The following NUP205 variants were observed in gnomAD, a reference collection of about 807,000 sequenced individuals.
The protein encoded by NUP205 is nucleoporin 205.
Under a neutral mutation model 253.8 loss-of-function variants are expected in NUP205, and 76 were observed. The observed-to-expected ratio is 0.30, with a 90% CI of 0.25 to 0.36. The LOEUF (loss-of-function observed/expected upper bound fraction) is 0.36, where lower values mean the gene tolerates loss of function less well. NUP205 is among the 10% of genes least tolerant of loss of function. The pLI is 1.00. For synonymous variants in NUP205, 832 were observed against 850.1 expected, an observed-to-expected ratio of 0.98 and a Z score of 0.37; for missense variants, 2,162 against 2,425.5, an observed-to-expected ratio of 0.89 and a Z score of 2.28.
chr7:135,603,528 GAGACA>G (rs1794011306), intron 18 of NUP205, among the ~76,000 whole-genome samples: 1 of 124,520 alleles, frequency 8.0e-6, no homozygotes, highest in East Asian at 2.3e-4. Context: ...TTGTCTTTTT[GAGACA>G]ACATTTCGCT....
chr7:135,610,479 C>T (rs1011827381), intron 22 of NUP205, among the ~76,000 whole-genome samples: 1 of 152,188 alleles, frequency 6.6e-6, no homozygotes, highest in Admixed American at 6.5e-5. Flanking sequence ...CTTGGCCTCC[C>T]AAAGTGCTGA....
chr7:135,596,830 G>A (rs6979117), intron 13 of NUP205, among the ~76,000 whole-genome samples: 22,012 of 151,430 alleles, frequency 0.15, 1,728 homozygotes, highest in East Asian at 0.23. Flanking sequence ...GGTGGCGCAC[G>A]TCTGTAATCC....
At chr7:135,594,151 C>G (rs1282163594) in intron 12 of NUP205, among the ~76,000 whole-genome samples, 2 of 151,876 alleles carry the variant, frequency 1.3e-5, no homozygotes, top group Non-Finnish European at 2.9e-5. Flanking sequence ...TACTGTATAT[C>G]TCTATATTTT....
In NUP205 at chr7:135,594,607, C is replaced by T. The variant is rs201049637; in HGVS notation, c.1891C>T (p.Leu631=). The T allele has an allele frequency of 3.7e-6, 6 of 1,613,702 alleles. No individual in the cohort carries two copies. The East Asian group carries it at 1.3e-4, about 36-fold the overall frequency. Residue 631 remains leucine (L), a synonymous_variant, in exon 13 of 43, where the codon CTG becomes TTG. Coordinates refer to ENST00000285968, the MANE Select transcript of NUP205 (RefSeq NM_015135.3). ...TCAGTGGACCCCTGTTGTGGTGATT[C>T]TGGGACTCCTCCAATGCAGTATTCC... is the stretch of plus-strand genomic sequence containing the variant. The part of the protein sequence containing the change: ...HPQWTPVVVI[L]GLLQCSIPPV...
At chr7:135,613,231 G>A (rs1391726472) in intron 22 of NUP205, among the ~76,000 whole-genome samples, 10 of 151,218 alleles carry the variant, frequency 6.6e-5, no homozygotes, top group Non-Finnish European at 4.4e-5. Flanking sequence ...TACCATATGG[G>A]CTACTTTTAC....
At chr7:135,614,382 C>G (rs915640673) in intron 23 of NUP205, 109 bp downstream of exon 23, 56 of 632,508 alleles carry the variant, frequency 8.9e-5, no homozygotes, top group Non-Finnish European at 1.4e-4. Context: ...GATACTTTGG[C>G]TTCTTTGTTA....
Position 135,638,552 on chromosome 7 carries a change from T to G in NUP205, c.5266-5T>G. On this transcript the variant is annotated splice_region_variant and splice_polypyrimidine_tract_variant and intron_variant, in intron 37 of 42. Coordinates refer to ENST00000285968, the MANE Select transcript of NUP205 (RefSeq NM_015135.3). ...AACATTTTTGTTACTGTTTTTTGAT[T>G]ATAGATTTGTGCCAATGTAATGGAA... 4.3e-6 allele frequency: 7 copies of G among 1,612,982 alleles called. No individual in the cohort carries two copies. Among genetic ancestry groups the G allele is most frequent in the Admixed American group, 1.7e-5 (1 of 59,676 alleles).
In NUP205 at chr7:135,578,929, A is replaced by C. The variant is rs190381411; in HGVS notation, c.1042+14A>C. On this transcript the variant is annotated intron_variant, in intron 7 of 42. Transcript: ENST00000285968. ...CTGATGTGACAGGTGAATTGATTGT[A>C]GGTAATTTTGTTATGAGAAACAGCA... 6.4e-7 allele frequency: 1 copy of C among 1,569,738 alleles called. No individual in the cohort carries two copies. The highest frequency in any genetic ancestry group is 2.3e-5 in the East Asian group (1 of 44,206).
chr7:135,577,270 T>C, intron 5 of NUP205, 142 bp downstream of exon 5: 1 of 797,246 alleles, frequency 1.3e-6, no homozygotes, highest in South Asian at 1.9e-5. Flanking sequence ...TTTTTGCTTT[T>C]ATTATTTTTC....
At chr7:135,607,486 G>C in intron 22 of NUP205, 115 bp downstream of exon 22, 7 of 1,148,392 alleles carry the variant, frequency 6.1e-6, no homozygotes, top group Non-Finnish European at 8.3e-6. Flanking sequence ...AGTTCATTTA[G>C]CAATTTGACC....
intron 17 of NUP205, among the ~76,000 whole-genome samples, chr7:135,602,297 A>G (rs1003967449): frequency 6.6e-6 from 1 of 152,184 alleles, no homozygotes; most frequent in African/African-American, 2.4e-5. Flanking sequence ...TTTCTGCGTT[A>G]TTTTCCACAG....
At chr7:135,609,100 G>T (rs1209100044) in intron 22 of NUP205, among the ~76,000 whole-genome samples, 6 of 97,148 alleles carry the variant, frequency 6.2e-5, no homozygotes, top group Admixed American at 5.7e-4. Context: ...GCAAAACTCC[G>T]TCTCAAAAAA....
At position 135,616,948 on chromosome 7, in the gene NUP205, G is replaced by C; in HGVS notation, c.3533-142G>C. The C allele has an allele frequency of 4.6e-6, 3 of 655,828 alleles. No individual in the cohort carries two copies. In the South Asian group the frequency reaches 7.1e-5, roughly 15 times the overall value. The allele number at this position is 655,828 out of a possible 1,614,324, so 40.6% of individuals were successfully genotyped here. A position where few individuals can be genotyped will look rare whatever the true frequency, so the allele number is the denominator to read the frequency against. On this transcript the variant is annotated intron_variant, in intron 25 of 42. Transcript: ENST00000285968. Reference sequence around the variant, plus strand: ...TGTATCAGAAATAAAATCAAATTTAGATTCCAATACAGTTTTCAGTTTCTT... The same window carrying C: ...TGTATCAGAAATAAAATCAAATTTACATTCCAATACAGTTTTCAGTTTCTT...
intron 1 of NUP205, among the ~76,000 whole-genome samples, chr7:135,560,736 A>G (rs573429181): frequency 6.6e-6 from 1 of 152,336 alleles, no homozygotes; most frequent in East Asian, 1.9e-4. Flanking sequence ...CAAGACACAA[A>G]TACTACATGA....
In NUP205 at chr7:135,606,668, G is replaced by A. The variant is rs1794091903; in HGVS notation, c.2906-83G>A. ...AACGATCTAAAGAAAACATGGAGTTGGAATACAAGTTTTGTATTTTTTATT... is the reference window on the plus strand; with the variant it reads ...AACGATCTAAAGAAAACATGGAGTTAGAATACAAGTTTTGTATTTTTTATT... On this transcript the variant is annotated intron_variant, in intron 20 of 42. Transcript: ENST00000285968. 2.6e-5 allele frequency: 26 copies of A among 1,005,278 alleles called. 1 individual carries two copies. In the South Asian group the frequency reaches 3.2e-4, roughly 12 times the overall value. 62.3% of individuals were successfully genotyped at this position (1,005,278 alleles called of 1,614,324 possible).
rs768513071 is a variant in NUP205 at position 135,625,128 on chromosome 7, C to G, written c.4480-36C>G. The G allele has an allele frequency of 5.8e-6, 9 of 1,544,932 alleles. No individual in the cohort carries two copies. The East Asian group carries it at 2.1e-4, about 35-fold the overall frequency. ...TTACTGTTGTTGATTTTGGTAGCAT[C>G]TACATGTTTTGGACTTTAATTTATT... On this transcript the variant is annotated intron_variant, in intron 31 of 42. Coordinates refer to ENST00000285968, the MANE Select transcript of NUP205 (RefSeq NM_015135.3).
intron 31 of NUP205, among the ~76,000 whole-genome samples, chr7:135,624,539 C>G (rs1794542311): frequency 6.6e-6 from 1 of 152,092 alleles, no homozygotes; most frequent in African/African-American, 2.4e-5. Flanking sequence ...CCACGCCCAG[C>G]TAATTTTTTT....
intron 1 of NUP205, among the ~76,000 whole-genome samples, chr7:135,565,594 G>C (rs975409115): frequency 6.6e-6 from 1 of 151,970 alleles, no homozygotes; most frequent in East Asian, 1.9e-4. Context: ...CACCATGCCT[G>C]GCTAATTTTG....
chr7:135,568,067 A>T (rs1336101412), intron 1 of NUP205, among the ~76,000 whole-genome samples: 1 of 152,080 alleles, frequency 6.6e-6, no homozygotes, highest in Admixed American at 6.5e-5. Context: ...TCTAATAAAA[A>T]TACAAAAATT....
Sources: allele counts gnomAD v4.1 joint callset (sites outside exome capture counted in the v4.1 genomes callset), GRCh38; gene constraint gnomAD v4.1.1; transcripts MANE v1.5; gene names NCBI Gene and HGNC (gene_info 2026-07-23, HGNC 2026-07-21).